Variants in PITPNC1 observed in about 807,000 individuals in gnomAD.
PITPNC1 encodes the protein cytoplasmic phosphatidylinositol transfer protein 1.
In PITPNC1, 18 loss-of-function variants were observed where a neutral mutation model predicts 44.7. The observed-to-expected ratio is 0.40, with a 90% CI of 0.28 to 0.60. The LOEUF is 0.60. PITPNC1 is among the 20% of genes least tolerant of loss of function. The pLI is 0.39. For synonymous variants in PITPNC1, 141 were observed against 149.6 expected, an observed-to-expected ratio of 0.94 and a Z score of 0.42; for missense variants, 290 against 418.4, an observed-to-expected ratio of 0.69 and a Z score of 2.68.
intron 4 of PITPNC1, among the ~76,000 whole-genome samples, chr17:67,576,634 G>A (rs2041153709): frequency 6.6e-6 from 1 of 152,036 alleles, no homozygotes; most frequent in African/African-American, 2.4e-5. Context: ...GCTAGAGCGT[G>A]GTTACACCAA....
At chr17:67,446,039 C>T (rs971300816) in intron 1 of PITPNC1, among the ~76,000 whole-genome samples, 2 of 151,974 alleles carry the variant, frequency 1.3e-5, no homozygotes, top group Non-Finnish European at 2.9e-5. Flanking sequence ...CTCTGCCTCC[C>T]GGGTTCAGGC....
chr17:67,503,982 G>A (rs2040069540), intron 1 of PITPNC1, among the ~76,000 whole-genome samples: 1 of 152,038 alleles, frequency 6.6e-6, no homozygotes, highest in African/African-American at 2.4e-5. Flanking sequence ...CCCTTTGGAA[G>A]TTACCCTCTT....
intron 5 of PITPNC1, among the ~76,000 whole-genome samples, chr17:67,601,037 G>C (rs1180210618): frequency 2.6e-5 from 4 of 152,030 alleles, no homozygotes; most frequent in African/African-American, 9.7e-5. Context: ...TTACATGTGA[G>C]TAAACTGGAA....
At chr17:67,593,700 AT>A (rs1287411399) in intron 5 of PITPNC1, among the ~76,000 whole-genome samples, 2 of 152,008 alleles carry the variant, frequency 1.3e-5, no homozygotes, top group Non-Finnish European at 2.9e-5. Context: ...TTTTTATATG[AT>A]TTTTTATATT....
chr17:67,489,634 G>C (rs1326218861), intron 1 of PITPNC1, among the ~76,000 whole-genome samples: 3 of 152,210 alleles, frequency 2.0e-5, no homozygotes, highest in African/African-American at 7.2e-5. Flanking sequence ...AAAGCTTCCA[G>C]GCGAGTCTAA....
At chr17:67,384,342 T>C (rs559092817) in intron 1 of PITPNC1, among the ~76,000 whole-genome samples, 1 of 152,174 alleles carries the variant, frequency 6.6e-6, no homozygotes, top group East Asian at 1.9e-4. Flanking sequence ...CGCACATTTC[T>C]GAGAACGGAT....
intron 1 of PITPNC1, among the ~76,000 whole-genome samples, chr17:67,497,048 C>T (rs1172566185): frequency 6.6e-6 from 1 of 151,842 alleles, no homozygotes; most frequent in Non-Finnish European, 1.5e-5. Context: ...ATCGTTTGAA[C>T]CCAGGAGTTC....
chr17:67,383,215 T>C (rs1409038523), intron 1 of PITPNC1, among the ~76,000 whole-genome samples: 2 of 152,200 alleles, frequency 1.3e-5, no homozygotes, highest in Admixed American at 6.5e-5. Flanking sequence ...CAGGCTGGTC[T>C]CGAACTCCTG....
chr17:67,427,547 C>A (rs908655881), intron 1 of PITPNC1, among the ~76,000 whole-genome samples: 5 of 152,104 alleles, frequency 3.3e-5, no homozygotes, highest in African/African-American at 9.7e-5. Context: ...TCGGACTCCT[C>A]GGACTCCTCA....
intron 5 of PITPNC1, among the ~76,000 whole-genome samples, chr17:67,627,276 C>T (rs1385446306): frequency 6.6e-6 from 1 of 152,164 alleles, no homozygotes; most frequent in African/African-American, 2.4e-5. Context: ...AATTAAAACT[C>T]ATCATCTCAA....
chr17:67,435,255 G>C (rs2038921843), intron 1 of PITPNC1, among the ~76,000 whole-genome samples: 1 of 152,120 alleles, frequency 6.6e-6, no homozygotes, highest in African/African-American at 2.4e-5. Context: ...ACCTCTGCAG[G>C]ATTCTTGTGA....
At chr17:67,637,999 T>C (rs778695712) in intron 6 of PITPNC1, 2 of 151,712 alleles carry the variant, frequency 1.3e-5, no homozygotes, top group African/African-American at 2.4e-5. Context: ...ACATGTAAAA[T>C]GACCATCATC....
At chr17:67,573,556 CTTTTTTTTTTTTTTT>C (rs35434515) in intron 4 of PITPNC1, among the ~76,000 whole-genome samples, 25 of 84,058 alleles carry the variant, frequency 3.0e-4, no homozygotes, top group Non-Finnish European at 1.3e-4. Context: ...ACTGAATACT[CTTTTTTTTTTTTTTT>C]TTTTTTTTTG....
At chr17:67,461,096 C>T (rs569977595) in intron 1 of PITPNC1, among the ~76,000 whole-genome samples, 8 of 152,216 alleles carry the variant, frequency 5.3e-5, no homozygotes, top group South Asian at 2.1e-4. Flanking sequence ...TCTTCCTACC[C>T]GGTACTCCTT....
intron 1 of PITPNC1, among the ~76,000 whole-genome samples, chr17:67,495,040 G>GTTTTTTTATTTTTTTTTTT (rs2039927099): frequency 1.5e-5 from 1 of 64,704 alleles, no homozygotes; most frequent in African/African-American, 6.7e-5. Context: ...CCATGGAGTT[G>GTTTTTTTATTTTTTTTTTT]TTTTTTTTTT....
At chr17:67,591,343 A>G (rs1159228306) in intron 5 of PITPNC1, among the ~76,000 whole-genome samples, 1 of 152,242 alleles carries the variant, frequency 6.6e-6, no homozygotes, top group African/African-American at 2.4e-5. Context: ...ACTGGAACCT[A>G]AACTGGAGAA....
Position 67,694,084 on chromosome 17 carries a change from C to T in PITPNC1, c.*1196C>T, listed in dbSNP as rs1327196365. ...GGAGTGATAATAGATGCCCTTCTGTCTAGCTTTCCTTTCTTCAACTAGTGG... is the reference window on the plus strand; with the variant it reads ...GGAGTGATAATAGATGCCCTTCTGTTTAGCTTTCCTTTCTTCAACTAGTGG... On this transcript the variant is annotated 3_prime_UTR_variant, in exon 9 of 9. Transcript: ENST00000581322. 1 of 152,242 alleles carries T rather than the reference C, an allele frequency of 6.6e-6. No homozygotes were observed. The highest frequency in any genetic ancestry group is 2.4e-5 in the African/African-American group (1 of 41,454). The allele number at this position is 152,242 out of a possible 1,614,324, so 9.4% of individuals were successfully genotyped here. A position where few individuals can be genotyped will look rare whatever the true frequency, so the allele number is the denominator to read the frequency against.
chr17:67,490,734 G>A (rs928320017), intron 1 of PITPNC1, among the ~76,000 whole-genome samples: 2 of 152,222 alleles, frequency 1.3e-5, no homozygotes, highest in Admixed American at 1.3e-4. Context: ...GGAGAAATGA[G>A]TTGGGGGCTT....
chr17:67,448,500 C>G (rs1355377401), intron 1 of PITPNC1, among the ~76,000 whole-genome samples: 2 of 152,074 alleles, frequency 1.3e-5, no homozygotes, highest in African/African-American at 4.8e-5. Flanking sequence ...GCTTGGTGGT[C>G]CTCGTTCATG....
Sources: gnomAD v4.1 joint callset for allele counts (sites outside exome capture counted in the v4.1 genomes callset) on GRCh38, gnomAD v4.1.1 for gene constraint, MANE v1.5 for transcripts, NCBI Gene and HGNC (gene_info 2026-07-23, HGNC 2026-07-21) for gene names.